The following PATJ variants were observed in gnomAD, a reference collection of about 807,000 sequenced individuals.
PATJ encodes inaD-like protein.
PATJ carries 190 observed loss-of-function variants against 224.9 expected under a neutral mutation model. The ratio of observed to expected loss-of-function variants is 0.84; its 90% confidence interval spans 0.75 to 0.95. PATJ has a LOEUF of 0.95. Ranked by LOEUF, PATJ falls within the 40% of genes least tolerant of loss-of-function variation. PATJ has a pLI of 0.00. For missense variants in PATJ, 2,121 were observed against 2,270.3 expected (o/e 0.93, Z 1.34); for synonymous variants, 769 against 820.3 (o/e 0.94, Z 1.07).
intron 22 of PATJ, among the ~76,000 whole-genome samples, chr1:61,887,492 G>C (rs1669052015): frequency 1.3e-5 from 2 of 152,110 alleles, no homozygotes. Flanking sequence ...AGAGTGGTAG[G>C]AGAGTAACCA....
At chr1:62,144,777 A>ATATATATATATATATATATATAT (rs1553280094) in intron 41 of PATJ, among the ~76,000 whole-genome samples, 14 of 119,096 alleles carry the variant, frequency 1.2e-4, no homozygotes, top group African/African-American at 3.8e-4. Context: ...AAAAAAAAAA[A>ATATATATATATATATATATATAT]ATATATATAT....
At chr1:61,926,955 G>A (rs1192565532) in intron 26 of PATJ, among the ~76,000 whole-genome samples, 1 of 151,984 alleles carries the variant, frequency 6.6e-6, no homozygotes, top group Admixed American at 6.6e-5. Flanking sequence ...TGGGTATATC[G>A]GCTCCTATTC....
chr1:62,113,338 A>G (rs376654281), intron 34 of PATJ, among the ~76,000 whole-genome samples: 6 of 152,122 alleles, frequency 3.9e-5, no homozygotes, highest in African/African-American at 1.4e-4. Flanking sequence ...ATGTGAGCAA[A>G]TAAGAGTGAA....
At chr1:61,809,986 T>C (rs1654378243) in intron 14 of PATJ, among the ~76,000 whole-genome samples, 1 of 151,964 alleles carries the variant, frequency 6.6e-6, no homozygotes, top group East Asian at 1.9e-4. Context: ...GCTGGGACTT[T>C]ACAGACATGT....
chr1:62,089,417 A>G (rs1660444127), intron 33 of PATJ, among the ~76,000 whole-genome samples: 1 of 151,310 alleles, frequency 6.6e-6, no homozygotes, highest in Admixed American at 6.6e-5. Context: ...GAGCTTCTTG[A>G]GGTTCGTAAT....
At chr1:61,994,799 CT>C (rs922166980) in intron 28 of PATJ, among the ~76,000 whole-genome samples, 23 of 152,270 alleles carry the variant, frequency 1.5e-4, no homozygotes, top group African/African-American at 5.3e-4. Flanking sequence ...GGTGATCCAC[CT>C]GCCTCAGCCT....
chr1:61,947,635 C>T (rs980244609), intron 27 of PATJ, among the ~76,000 whole-genome samples: 1 of 152,182 alleles, frequency 6.6e-6, no homozygotes, highest in Non-Finnish European at 1.5e-5. Context: ...AATGGCCATA[C>T]TACCCAAGGT....
chr1:62,040,810 A>G (rs1166977466), intron 30 of PATJ, among the ~76,000 whole-genome samples: 1 of 152,190 alleles, frequency 6.6e-6, no homozygotes, highest in Non-Finnish European at 1.5e-5. Flanking sequence ...CATAGTTTTT[A>G]AAGGATCCAT....
chr1:61,820,374 G>A (rs1657009424), intron 14 of PATJ, among the ~76,000 whole-genome samples: 1 of 151,386 alleles, frequency 6.6e-6, no homozygotes, highest in African/African-American at 2.4e-5. Context: ...CGGAGTTTCA[G>A]TCTTGTTGCC....
At chr1:62,020,814 A>AATTC (rs753127890) in intron 29 of PATJ, among the ~76,000 whole-genome samples, 11 of 152,038 alleles carry the variant, frequency 7.2e-5, no homozygotes, top group East Asian at 1.9e-4. Context: ...AAAGAACAGA[A>AATTC]ATTCATTCAT....
chr1:61,967,030 CTT>C, intron 27 of PATJ, among the ~76,000 whole-genome samples: 1 of 152,262 alleles, frequency 6.6e-6, no homozygotes, highest in East Asian at 1.9e-4. Context: ...CATCCTGTGA[CTT>C]AGAATGCCTT....
chr1:62,141,536 A>G (rs1667494788), intron 41 of PATJ, among the ~76,000 whole-genome samples: 2 of 152,088 alleles, frequency 1.3e-5, no homozygotes, highest in Admixed American at 6.5e-5. Context: ...TTAGCCAGGC[A>G]TGGTGGCATG....
At chr1:61,974,986 C>T (rs1644051075) in intron 27 of PATJ, among the ~76,000 whole-genome samples, 1 of 151,866 alleles carries the variant, frequency 6.6e-6, no homozygotes, top group African/African-American at 2.4e-5. Flanking sequence ...ATTCTGTTGC[C>T]CAGGCTGGAG....
chr1:62,068,061 C>T (rs966537798), intron 31 of PATJ, among the ~76,000 whole-genome samples: 1 of 152,220 alleles, frequency 6.6e-6, no homozygotes, highest in Admixed American at 6.5e-5. Context: ...TTACACAGTG[C>T]TGGGATTACA....
chr1:61,769,380 A>C lies in PATJ; in HGVS notation c.482A>C (p.Asp161Ala), dbSNP rs1425350158. 1.2e-6 allele frequency: 2 copies of C among 1,614,080 alleles called. No homozygotes were observed. The highest frequency in any genetic ancestry group is 1.1e-5 in the South Asian group (1 of 91,076). The change falls in exon 5 of 44, where the codon GAT (aspartate) becomes GCT (alanine). Residue 161 changes from aspartate (D) to alanine (A), a missense_variant. By Grantham distance (126) the Asp-to-Ala change is moderately radical. Transcript: ENST00000642238. ...ALRSQNLGKV[D>A]IFVKDVQPGS... ...AGAAGTCAAAATCTCGGAAAAGTTG[A>C]TATCTTCGTGAAGGATGTCCAGCCA... is the stretch of plus-strand genomic sequence containing the variant.
chr1:61,765,421 G>T (rs1340430932), intron 3 of PATJ, among the ~76,000 whole-genome samples: 1 of 150,682 alleles, frequency 6.6e-6, no homozygotes, highest in Non-Finnish European at 1.5e-5. Flanking sequence ...GTCTTGCTCT[G>T]TCATCCAGGC....
chr1:62,031,216 T>G lies in PATJ; in HGVS notation c.3960-6761T>G, dbSNP rs116400598. Among the ~76,000 whole-genome samples, 762 of 152,274 alleles carry G rather than the reference T, an allele frequency of 5.0e-3. 7 individuals carry two copies. The highest frequency in any genetic ancestry group is 0.017 in the African/African-American group (724 of 41,550). On this transcript the variant is annotated intron_variant, in intron 29 of 43. Coordinates refer to ENST00000642238, the MANE Select transcript of PATJ (RefSeq NM_001350145.3). ...TCCTTCTCAGCATTTGTTTCCATGA[T>G]CACCAATGCAGAAACAGGAAACGTA...
intron 27 of PATJ, among the ~76,000 whole-genome samples, chr1:61,962,179 A>G (rs1462668495): frequency 1.3e-5 from 2 of 152,144 alleles, no homozygotes; most frequent in African/African-American, 4.8e-5. Flanking sequence ...TGATATTATC[A>G]TTATTCATAC....
chr1:61,742,510 C>G lies in PATJ; in HGVS notation c.-81C>G, dbSNP rs1011007480. On this transcript the variant is annotated 5_prime_UTR_variant, in exon 1 of 44. Coordinates refer to ENST00000642238, the MANE Select transcript of PATJ (RefSeq NM_001350145.3). ...CGCCCAGGTGAGGCAGGGCCGACAC[C>G]GAGCCCGCCCGACCCGGGCTCCCAC... is the stretch of plus-strand genomic sequence containing the variant. The G allele has an allele frequency of 1.4e-4, 21 of 152,624 alleles. No individual in the cohort carries two copies. Among genetic ancestry groups the G allele is most frequent in the African/African-American group, 4.8e-4 (20 of 41,596 alleles). 9.5% of individuals were successfully genotyped at this position (152,624 alleles called of 1,614,324 possible).
Sources: gnomAD v4.1 joint callset for allele counts (sites outside exome capture counted in the v4.1 genomes callset) on GRCh38, gnomAD v4.1.1 for gene constraint, MANE v1.5 for transcripts, NCBI Gene and HGNC (gene_info 2026-07-23, HGNC 2026-07-21) for gene names.